Variants in PCDHA7 observed in about 807,000 individuals in gnomAD.
PCDHA7 encodes the protein protocadherin alpha-7.
Under a neutral mutation model 57.2 loss-of-function variants are expected in PCDHA7, and 37 were observed. That is an observed-to-expected ratio of 0.65 (90% CI 0.50 to 0.85). PCDHA7 has a LOEUF of 0.85. PCDHA7 is among the 40% of genes least tolerant of loss of function. The pLI, the probability that PCDHA7 is intolerant of heterozygous loss-of-function variation, is 0.00. For synonymous variants in PCDHA7, 553 were observed against 558.8 expected (o/e 0.99, Z 0.15); for missense variants, 1,188 against 1,241.8 (o/e 0.96, Z 0.65).
chr5:140,987,244 A>T (rs1184597193), intron 3 of PCDHA7, among the ~76,000 whole-genome samples: 1 of 152,018 alleles, frequency 6.6e-6, no homozygotes, highest in Non-Finnish European at 1.5e-5. Context: ...ATAAAGAAAG[A>T]AAGACATTCT....
intron 1 of PCDHA7, among the ~76,000 whole-genome samples, chr5:140,908,155 G>T (rs559304647): frequency 2.0e-5 from 3 of 152,194 alleles, no homozygotes; most frequent in African/African-American, 4.8e-5. Flanking sequence ...TCCTAGGAAG[G>T]GGCTGTAGTG....
At chr5:140,929,555 C>A in intron 1 of PCDHA7, 1 of 485,752 alleles carries the variant, frequency 2.1e-6, no homozygotes, top group Non-Finnish European at 3.5e-6. Context: ...AAATTAAAAC[C>A]TATTTAAGAA....
chr5:140,909,970 G>A (rs76359002), intron 1 of PCDHA7, among the ~76,000 whole-genome samples: 2,125 of 152,312 alleles, frequency 0.014, 45 homozygotes, highest in African/African-American at 0.049. Flanking sequence ...CATGGGGAAG[G>A]ATGGGAGAAA....
Position 140,855,877 on chromosome 5 carries a change from C to T in PCDHA7, c.2355+19139C>T, listed in dbSNP as rs577890350. 6.7e-6 allele frequency: 6 copies of T among 897,114 alleles called. No individual in the cohort carries two copies. In the South Asian group the frequency reaches 1.2e-4, roughly 18 times the overall value. The allele number at this position is 897,114 out of a possible 1,614,324, so 55.6% of individuals were successfully genotyped here. A position where few individuals can be genotyped will look rare whatever the true frequency, so the allele number is the denominator to read the frequency against. On this transcript the variant is annotated intron_variant, in intron 1 of 3. Transcript: ENST00000525929. ...GATGTCGCTGTCGTCCACAAAATAGCTTTTTAGAACAAAGGCATCAGCCAG... is the reference window on the plus strand; with the variant it reads ...GATGTCGCTGTCGTCCACAAAATAGTTTTTTAGAACAAAGGCATCAGCCAG...
chr5:140,981,924 C>T (rs2096957761), intron 2 of PCDHA7, among the ~76,000 whole-genome samples: 1 of 151,968 alleles, frequency 6.6e-6, no homozygotes, highest in African/African-American at 2.4e-5. Flanking sequence ...TCAAGTTTCT[C>T]TAGTCTCAGG....
intron 1 of PCDHA7, among the ~76,000 whole-genome samples, chr5:140,911,285 G>C (rs1292114305): frequency 6.6e-6 from 1 of 152,078 alleles, no homozygotes; most frequent in Non-Finnish European, 1.5e-5. Flanking sequence ...GCTTCATCAG[G>C]GTCCTTTTAC....
chr5:140,985,650 A>G (rs2097162504), intron 3 of PCDHA7, among the ~76,000 whole-genome samples: 2 of 151,684 alleles, frequency 1.3e-5, no homozygotes, highest in South Asian at 4.2e-4. Context: ...AACACTTGCA[A>G]TGGCTGAATA....
chr5:140,909,117 G>T lies in PCDHA7; in HGVS notation c.2356-69832G>T, dbSNP rs576916273. Among the ~76,000 whole-genome samples the T allele has an allele frequency of 1.1e-4, 16 of 152,272 alleles. No homozygotes were observed. The South Asian group carries it at 3.1e-3, about 30-fold the overall frequency. On this transcript the variant is annotated intron_variant, in intron 1 of 3. Transcript: ENST00000525929. ...ACTCACTGGGTCCAATCAGCAAAAT[G>T]TCATCAAGGTAATGAACCAGTGTGA...
chr5:140,870,078 G>A, intron 1 of PCDHA7: 1 of 1,613,838 alleles, frequency 6.2e-7, no homozygotes, highest in South Asian at 1.1e-5. Flanking sequence ...CAGATAAGGG[G>A]ACTCCCCCAA....
intron 1 of PCDHA7, chr5:140,928,178 G>A: frequency 6.2e-7 from 1 of 1,614,192 alleles, no homozygotes. Context: ...AGCACCCGAA[G>A]GACAATCACT....
rs139165612 is a variant in PCDHA7 at position 140,875,715 on chromosome 5, T to C, written c.2355+38977T>C. On this transcript the variant is annotated intron_variant, in intron 1 of 3. Coordinates refer to ENST00000525929, the MANE Select transcript of PCDHA7 (RefSeq NM_018910.3). Reference sequence around the variant, plus strand: ...ACCTTCTGGAGGTAAATCTGCAGAATGGCATTTTGTTTGTGAATTCTCGGA... The same window carrying C: ...ACCTTCTGGAGGTAAATCTGCAGAACGGCATTTTGTTTGTGAATTCTCGGA... 205 of 1,614,134 alleles carry C rather than the reference T, an allele frequency of 1.3e-4. 1 individual carries two copies. The African/African-American group carries it at 2.2e-3, about 17-fold the overall frequency.
At chr5:140,969,267 G>A in intron 1 of PCDHA7, 5 of 1,614,208 alleles carry the variant, frequency 3.1e-6, no homozygotes, top group South Asian at 2.2e-5. Flanking sequence ...AATCTCACAG[G>A]CCAAAGTGGT....
chr5:140,954,470 G>T (rs999752135), intron 1 of PCDHA7, among the ~76,000 whole-genome samples: 2 of 152,150 alleles, frequency 1.3e-5, no homozygotes, highest in Non-Finnish European at 2.9e-5. Flanking sequence ...ATTCTGACTG[G>T]TGTGAGAAGA....
At chr5:140,967,123 C>T in intron 1 of PCDHA7, 1 of 1,612,724 alleles carries the variant, frequency 6.2e-7, no homozygotes, top group Non-Finnish European at 8.5e-7. Context: ...GCTGCCTGCT[C>T]AGCTTGGAAG....
At chr5:140,975,560 A>T (rs1302523568) in intron 1 of PCDHA7, among the ~76,000 whole-genome samples, 1 of 152,238 alleles carries the variant, frequency 6.6e-6, no homozygotes, top group Non-Finnish European at 1.5e-5. Flanking sequence ...AAGGAAAAGG[A>T]GATATTATAT....
At chr5:140,967,976 C>G in intron 1 of PCDHA7, 14 of 1,614,222 alleles carry the variant, frequency 8.7e-6, no homozygotes, top group Non-Finnish European at 1.2e-5. Context: ...GAGCCTGGGT[C>G]TGGAGGCCAC....
intron 1 of PCDHA7, chr5:140,860,193 A>T (rs1054138940): frequency 6.9e-6 from 1 of 145,758 alleles, no homozygotes; most frequent in Non-Finnish European, 1.5e-5. Context: ...CTCTCCTTAC[A>T]TATATATCTA....
At chr5:140,885,107 T>G (rs2060471687) in intron 1 of PCDHA7, among the ~76,000 whole-genome samples, 1 of 152,238 alleles carries the variant, frequency 6.6e-6, no homozygotes, top group African/African-American at 2.4e-5. Context: ...TAAATGCTTT[T>G]TTTAAGTGCA....
intron 1 of PCDHA7, among the ~76,000 whole-genome samples, chr5:140,973,856 C>G (rs1349378315): frequency 6.6e-6 from 1 of 152,166 alleles, no homozygotes; most frequent in Non-Finnish European, 1.5e-5. Context: ...CCAATTTTTG[C>G]TCTCAATGAG....
Sources: allele counts gnomAD v4.1 joint callset (sites outside exome capture counted in the v4.1 genomes callset), GRCh38; gene constraint gnomAD v4.1.1; transcripts MANE v1.5; gene names NCBI Gene and HGNC (gene_info 2026-07-23, HGNC 2026-07-21).